DTNB: variants seen among roughly 807,000 people sequenced by gnomAD.
DTNB encodes the protein DTN-B.
Under a neutral mutation model 90.7 loss-of-function variants are expected in DTNB, and 63 were observed. The ratio of observed to expected loss-of-function variants is 0.69; its 90% CI spans 0.57 to 0.86. The LOEUF (loss-of-function observed/expected upper bound fraction) is 0.86, where lower values mean the gene tolerates loss of function less well. Ranked by LOEUF, DTNB falls within the 40% of genes least tolerant of loss-of-function variation. DTNB has a pLI of 0.00. For synonymous variants in DTNB, 277 were observed against 286.7 expected, an observed-to-expected ratio of 0.97 and a Z score of 0.34; for missense variants, 744 against 807.1, an observed-to-expected ratio of 0.92 and a Z score of 0.95.
At chr2:25,499,370 CAG>C (rs1003902469) in intron 9 of DTNB, among the ~76,000 whole-genome samples, 3 of 152,094 alleles carry the variant, frequency 2.0e-5, no homozygotes, top group Non-Finnish European at 4.4e-5. Context: ...TGTGAAATGA[CAG>C]GGGCTGGTTC....
chr2:25,389,521 A>G (rs2040484105), intron 16 of DTNB, among the ~76,000 whole-genome samples: 1 of 152,244 alleles, frequency 6.6e-6, no homozygotes, highest in African/African-American at 2.4e-5. Context: ...AAAATAAATA[A>G]AAGGAGAAAA....
intron 16 of DTNB, among the ~76,000 whole-genome samples, chr2:25,395,641 A>G (rs1386275675): frequency 6.6e-6 from 1 of 151,686 alleles, no homozygotes; most frequent in African/African-American, 2.4e-5. Context: ...GCAAATATTC[A>G]AAATCTATGT....
At chr2:25,542,300 T>C (rs2081444234) in intron 8 of DTNB, among the ~76,000 whole-genome samples, 1 of 152,214 alleles carries the variant, frequency 6.6e-6, no homozygotes, top group South Asian at 2.1e-4. Context: ...GAGATAATTA[T>C]AAGGATTTAA....
chr2:25,533,968 A>T (rs1390010428), intron 8 of DTNB, among the ~76,000 whole-genome samples: 4 of 148,418 alleles, frequency 2.7e-5, no homozygotes, highest in African/African-American at 5.0e-5. Context: ...TTATTTATTT[A>T]TTTTTTGGAA....
intron 1 of DTNB, among the ~76,000 whole-genome samples, chr2:25,663,283 G>A (rs968798903): frequency 6.6e-6 from 1 of 152,180 alleles, no homozygotes; most frequent in African/African-American, 2.4e-5. Context: ...TGGTGTGTAT[G>A]TGCCATATTT....
intron 16 of DTNB, among the ~76,000 whole-genome samples, chr2:25,394,419 G>A (rs2041921083): frequency 6.6e-6 from 1 of 152,038 alleles, no homozygotes; most frequent in South Asian, 2.1e-4. Flanking sequence ...AATAGCTTCT[G>A]CACAGCAAAA....
At position 25,455,449 on chromosome 2, in the gene DTNB, A is replaced by T. The variant is rs2059870464; in HGVS notation, c.1125T>A (p.His375Gln). ...QDIPSHLADEHALIASYVARL... is the reference protein window; with the variant it reads ...QDIPSHLADEQALIASYVARL... Reference sequence around the variant, plus strand: ...GGGCCACATAGGAGGCTATCAGCGCATGCTCATCGGCCAAGTGACTGGGTA... The same window carrying T: ...GGGCCACATAGGAGGCTATCAGCGCTTGCTCATCGGCCAAGTGACTGGGTA... Residue 375 changes from histidine (H) to glutamine (Q), a missense_variant, in exon 11 of 21, where the codon CAT (histidine) becomes CAA (glutamine). By Grantham distance (24) the His-to-Gln change is conservative (BLOSUM62 0). Transcript: ENST00000406818. The T allele has an allele frequency of 6.2e-7, 1 of 1,607,606 alleles. No homozygotes were observed. The highest frequency in any genetic ancestry group is 2.2e-5 in the East Asian group (1 of 44,724).
At chr2:25,668,251 T>TA (rs1302012887) in intron 1 of DTNB, among the ~76,000 whole-genome samples, 2 of 150,994 alleles carry the variant, frequency 1.3e-5, no homozygotes, top group Middle Eastern at 3.4e-3. Context: ...AAAATAAAAA[T>TA]AAAAAAAAGA....
chr2:25,498,312 C>G (rs1363364387), intron 9 of DTNB, among the ~76,000 whole-genome samples: 4 of 152,110 alleles, frequency 2.6e-5, no homozygotes, highest in Non-Finnish European at 5.9e-5. Flanking sequence ...ACAAATCAGA[C>G]AAACCAACTA....
intron 8 of DTNB, among the ~76,000 whole-genome samples, chr2:25,568,111 T>C (rs2059309039): frequency 6.7e-6 from 1 of 148,864 alleles, no homozygotes; most frequent in African/African-American, 2.5e-5. Flanking sequence ...TGAGCCAAGA[T>C]CACGCCACTG....
At chr2:25,532,643 G>A (rs1053641567) in intron 8 of DTNB, among the ~76,000 whole-genome samples, 1 of 152,166 alleles carries the variant, frequency 6.6e-6, no homozygotes, top group African/African-American at 2.4e-5. Context: ...ATATTTAAAG[G>A]AGGCTCCTTT....
chr2:25,473,923 C>T (rs762270887), intron 10 of DTNB, among the ~76,000 whole-genome samples: 3 of 152,224 alleles, frequency 2.0e-5, no homozygotes, highest in Non-Finnish European at 4.4e-5. Flanking sequence ...TCCTTCCAGT[C>T]GGCTCTGCCG....
chr2:25,648,783 A>G (rs1157751227), intron 2 of DTNB, among the ~76,000 whole-genome samples: 1 of 152,158 alleles, frequency 6.6e-6, no homozygotes, highest in East Asian at 1.9e-4. Flanking sequence ...GGGAAGCAGA[A>G]AACATCTGAT....
intron 8 of DTNB, among the ~76,000 whole-genome samples, chr2:25,541,231 C>A (rs2081187602): frequency 6.6e-6 from 1 of 152,072 alleles, no homozygotes; most frequent in South Asian, 2.1e-4. Context: ...GTAACCCCAG[C>A]ACTTTGGGAG....
At chr2:25,619,342 C>G (rs1262658237) in intron 4 of DTNB, among the ~76,000 whole-genome samples, 1 of 152,170 alleles carries the variant, frequency 6.6e-6, no homozygotes, top group African/African-American at 2.4e-5. Flanking sequence ...TTTTCAAAAA[C>G]TCGCATTCTG....
At chr2:25,506,929 A>G (rs2072597472) in intron 9 of DTNB, among the ~76,000 whole-genome samples, 1 of 152,354 alleles carries the variant, frequency 6.6e-6, no homozygotes, top group South Asian at 2.1e-4. Context: ...ATTAACACAA[A>G]GCATCAAAGA....
intron 9 of DTNB, among the ~76,000 whole-genome samples, chr2:25,499,076 C>T (rs2069758592): frequency 6.6e-6 from 1 of 151,360 alleles, no homozygotes; most frequent in African/African-American, 2.4e-5. Context: ...ATTAGCCAGG[C>T]ATGGTGGCAG....
In DTNB at chr2:25,398,371, C is replaced by A. The variant is rs1267570728; in HGVS notation, c.1576-10010G>T. ...GTGTTATTTCTCCATGGGTCTTATG[C>A]CCCAGCCCTTGGCGTTAGGATCACA... On this transcript the variant is annotated intron_variant, in intron 16 of 20. Coordinates refer to ENST00000406818, the MANE Select transcript of DTNB (RefSeq NM_021907.5). 2.6e-5 allele frequency among the ~76,000 whole-genome samples: 4 copies of A among 152,354 alleles called. No individual in the cohort carries two copies. In the East Asian group the frequency reaches 7.7e-4, roughly 29 times the overall value.
intron 10 of DTNB, among the ~76,000 whole-genome samples, chr2:25,476,703 C>T (rs2063812145): frequency 1.3e-5 from 2 of 152,122 alleles, no homozygotes; most frequent in South Asian, 4.1e-4. Context: ...TTGCTGCAAT[C>T]TCATAATAAA....
Sources: allele counts gnomAD v4.1 joint callset (sites outside exome capture counted in the v4.1 genomes callset), GRCh38; gene constraint gnomAD v4.1.1; transcripts MANE v1.5; gene names NCBI Gene and HGNC (gene_info 2026-07-23, HGNC 2026-07-21).